The following SOAT1 variants were observed in gnomAD, a reference collection of about 807,000 sequenced individuals.
The protein encoded by SOAT1 is acyl-coenzyme A:cholesterol acyltransferase 1.
SOAT1 carries 55 observed loss-of-function variants against 69.5 expected under a neutral mutation model. The ratio of observed to expected loss-of-function variants is 0.79; its 90% CI spans 0.64 to 0.99. The LOEUF (loss-of-function observed/expected upper bound fraction) is 0.99. SOAT1 is among the 50% of genes least tolerant of loss of function. The pLI, the probability that SOAT1 is intolerant of heterozygous loss-of-function variation, is 0.00. For missense variants in SOAT1, 580 were observed against 669.3 expected (o/e 0.87, Z 1.47); for synonymous variants, 231 against 224.7 (o/e 1.03, Z -0.25).
rs763705538 is a variant in SOAT1 at position 179,350,321 on chromosome 1, C to T, written c.1340C>T (p.Ala447Val). The change falls in exon 14 of 16, where the codon GCT becomes GTT. Residue 447 changes from alanine to valine, a missense_variant. Coordinates refer to ENST00000367619, the MANE Select transcript of SOAT1 (RefSeq NM_003101.6). ...TTTTTCTCCAAGAGATTCAAATCTGCTGCCATGTTAGCTGTCTTTGCTGTA... is the reference window on the plus strand; with the variant it reads ...TTTTTCTCCAAGAGATTCAAATCTGTTGCCATGTTAGCTGTCTTTGCTGTA... ...LWFFSKRFKS[A>V]AMLAVFAVSA... 1 of 1,612,440 alleles carries T rather than the reference C, an allele frequency of 6.2e-7. No homozygotes were observed. The highest frequency in any genetic ancestry group is 8.5e-7 in the Non-Finnish European group (1 of 1,179,600).
At chr1:179,352,266 G>C (rs191644010) in intron 15 of SOAT1, among the ~76,000 whole-genome samples, 1 of 146,796 alleles carries the variant, frequency 6.8e-6, no homozygotes, top group East Asian at 2.0e-4. Context: ...TTTTTTTTAA[G>C]AATTTTATTT....
chr1:179,325,548 C>T (rs911595761), intron 3 of SOAT1, among the ~76,000 whole-genome samples: 3 of 152,066 alleles, frequency 2.0e-5, no homozygotes, highest in Non-Finnish European at 4.4e-5. Context: ...ATTCCTTTTT[C>T]AATTCTTCTT....
At position 179,341,041 on chromosome 1, in the gene SOAT1, T is replaced by C; in HGVS notation, c.511T>C (p.Phe171Leu). 1.9e-6 allele frequency: 3 copies of C among 1,614,018 alleles called. No individual in the cohort carries two copies. Among genetic ancestry groups the C allele is most frequent in the Non-Finnish European group, 2.5e-6 (3 of 1,179,910 alleles). The change falls in exon 7 of 16, where the codon TTC (phenylalanine) becomes CTC (leucine). Residue 171 changes from phenylalanine to leucine, a missense_variant. Coordinates refer to ENST00000367619, the MANE Select transcript of SOAT1 (RefSeq NM_003101.6). ...TTTTCTCCCCAGGCTGGTGCTTGAG[T>C]TCAGCCTCCTGTCTTATGCTTTTGG... ...YIDEGRLVLE[F>L]SLLSYAFGKF...
chr1:179,300,425 C>T (rs1425967758), intron 1 of SOAT1, among the ~76,000 whole-genome samples: 1 of 152,166 alleles, frequency 6.6e-6, no homozygotes, highest in African/African-American at 2.4e-5. Context: ...TTAGCCCTGA[C>T]TTTTCCCTTA....
intron 2 of SOAT1, among the ~76,000 whole-genome samples, chr1:179,308,823 TA>T (rs1194443473): frequency 7.2e-5 from 11 of 152,210 alleles, no homozygotes; most frequent in Admixed American, 5.9e-4. Flanking sequence ...CATTTTTTTT[TA>T]CATGTGGGAT....
Position 179,335,626 on chromosome 1 carries a change from C to T in SOAT1, c.298C>T (p.Leu100Phe). The change falls in exon 4 of 16, where the codon CTT (leucine) becomes TTT (phenylalanine). Residue 100 changes from leucine (L) to phenylalanine (F), a missense_variant. Transcript: ENST00000367619. ...GGCALTTFSV[L>F]EGEKNNHRAK... is the part of the protein sequence containing the mutation. Reference sequence around the variant, plus strand: ...GTGCGCTCTCACAACCTTTTCTGTTCTTGAAGGAGAGAAAAACAACCATAG... The same window carrying T: ...GTGCGCTCTCACAACCTTTTCTGTTTTTGAAGGAGAGAAAAACAACCATAG... 1 of 1,612,948 alleles carries T rather than the reference C, an allele frequency of 6.2e-7. No homozygotes were observed. Among genetic ancestry groups the T allele is most frequent in the Non-Finnish European group, 8.5e-7 (1 of 1,179,552 alleles).
intron 11 of SOAT1, among the ~76,000 whole-genome samples, chr1:179,347,184 C>T (rs1481549500): frequency 6.6e-6 from 1 of 151,858 alleles, no homozygotes; most frequent in South Asian, 2.1e-4. Flanking sequence ...TGGTGAAACC[C>T]GGTCTCTACT....
intron 2 of SOAT1, among the ~76,000 whole-genome samples, chr1:179,306,533 A>G (rs372842381): frequency 1.3e-5 from 2 of 152,142 alleles, no homozygotes; most frequent in South Asian, 2.1e-4. Context: ...CAGAAGCGTT[A>G]AAAGTAGCAC....
In SOAT1 at chr1:179,341,222, A is replaced by G. The variant is rs1666326622; in HGVS notation, c.692A>G (p.Gln231Arg). The change falls in exon 7 of 16, where the codon CAG becomes CGG. Residue 231 changes from glutamine (Q) to arginine (R), a missense_variant. Gln to Arg is a conservative substitution (Grantham distance 43). Transcript: ENST00000367619. ...LFHGFLFMIF[Q>R]IGVLGFGPTY... Reference sequence around the variant, plus strand: ...CATGGCTTTCTTTTCATGATCTTCCAGATTGGAGTTCTAGGTTTTGGACCA... The same window carrying G: ...CATGGCTTTCTTTTCATGATCTTCCGGATTGGAGTTCTAGGTTTTGGACCA... 2 of 1,614,074 alleles carry G rather than the reference A, an allele frequency of 1.2e-6. No homozygotes were observed. Among genetic ancestry groups the G allele is most frequent in the South Asian group, 1.1e-5 (1 of 91,086 alleles).
intron 3 of SOAT1, among the ~76,000 whole-genome samples, chr1:179,328,519 A>G (rs1002458134): frequency 4.6e-5 from 7 of 152,206 alleles, no homozygotes; most frequent in Admixed American, 2.0e-4. Context: ...TTTTGGCCGG[A>G]AGGACAAGGT....
intron 3 of SOAT1, among the ~76,000 whole-genome samples, chr1:179,325,147 A>ATTTTTTT (rs35938597): frequency 7.2e-5 from 7 of 96,834 alleles, no homozygotes; most frequent in African/African-American, 1.2e-4. Flanking sequence ...TTAGTGACTA[A>ATTTTTTT]TTTTTTTTTT....
intron 7 of SOAT1, among the ~76,000 whole-genome samples, chr1:179,341,536 CTTT>C (rs774077684): frequency 2.9e-5 from 4 of 138,974 alleles, no homozygotes; most frequent in African/African-American, 5.3e-5. Context: ...TTACGTTGAA[CTTT>C]TTTTTTTTTT....
chr1:179,311,182 A>G (rs1665208300), intron 2 of SOAT1, among the ~76,000 whole-genome samples: 1 of 152,124 alleles, frequency 6.6e-6, no homozygotes, highest in Non-Finnish European at 1.5e-5. Flanking sequence ...TCTGGGCAAC[A>G]TATCAAGACC....
intron 11 of SOAT1, 85 bp downstream of exon 11, chr1:179,345,161 C>A: frequency 1.4e-6 from 2 of 1,393,588 alleles, no homozygotes; most frequent in East Asian, 2.3e-5. Flanking sequence ...TTTGCTTTGC[C>A]TACTTTTTCA....
chr1:179,342,795 T>A, intron 8 of SOAT1, 67 bp from the exon 9 acceptor site: 1 of 1,102,790 alleles, frequency 9.1e-7, no homozygotes, highest in South Asian at 1.3e-5. Flanking sequence ...TTCCTTATAT[T>A]CCCCCCTGTA....
intron 1 of SOAT1, among the ~76,000 whole-genome samples, chr1:179,297,761 G>T (rs375977934): frequency 6.6e-6 from 1 of 151,292 alleles, no homozygotes; most frequent in Non-Finnish European, 1.5e-5. Context: ...GCCGGGCGCG[G>T]TGGCTCACAC....
intron 1 of SOAT1, among the ~76,000 whole-genome samples, chr1:179,297,461 G>A (rs547871029): frequency 8.6e-5 from 13 of 151,976 alleles, no homozygotes; most frequent in Admixed American, 6.5e-4. Context: ...TCGGCCTCCC[G>A]AGTAGCTGGG....
chr1:179,325,543 T>G (rs1233660789), intron 3 of SOAT1, among the ~76,000 whole-genome samples: 1 of 152,214 alleles, frequency 6.6e-6, no homozygotes, highest in East Asian at 1.9e-4. Flanking sequence ...TTGTTATTCC[T>G]TTTTCAATTC....
chr1:179,349,824 T>C (rs1666661920), intron 13 of SOAT1, among the ~76,000 whole-genome samples: 1 of 152,172 alleles, frequency 6.6e-6, no homozygotes, highest in African/African-American at 2.4e-5. Flanking sequence ...AGTGACAGCA[T>C]CTTATGGTGG....
Sources: allele counts gnomAD v4.1 joint callset (sites outside exome capture counted in the v4.1 genomes callset), GRCh38; gene constraint gnomAD v4.1.1; transcripts MANE v1.5; gene names NCBI Gene and HGNC (gene_info 2026-07-23, HGNC 2026-07-21).